The following PI4KA variants were observed in gnomAD, a reference collection of about 807,000 sequenced individuals.
PI4KA encodes PI4-kinase alpha.
In PI4KA, 122 loss-of-function variants were observed where a neutral mutation model predicts 271.4. That is an observed-to-expected ratio of 0.45 (90% CI 0.39 to 0.52). The LOEUF (loss-of-function observed/expected upper bound fraction) is 0.52, where lower values mean the gene tolerates loss of function less well. Among genes scored for constraint, PI4KA ranks in the 20% least tolerant of loss-of-function variants. The probability of loss-of-function intolerance (pLI) is 0.00; values close to 1 mark genes in which losing one functional copy is unlikely to be tolerated. For synonymous variants in PI4KA, 1,041 were observed against 1,078.8 expected, an observed-to-expected ratio of 0.96 and a Z score of 0.69; for missense variants, 1,969 against 2,769.1, an observed-to-expected ratio of 0.71 and a Z score of 6.48.
chr22:20,770,202 T>A (rs867146669), intron 19 of PI4KA, among the ~76,000 whole-genome samples: 11 of 151,844 alleles, frequency 7.2e-5, no homozygotes, highest in Admixed American at 3.9e-4. Context: ...GGCCCAGTTT[T>A]TTTTTTTTTG....
At position 20,796,258 on chromosome 22, in the gene PI4KA, T is replaced by A. The variant is rs761171853; in HGVS notation, c.2165A>T (p.Asp722Val). 3 of 1,613,960 alleles carry A rather than the reference T, an allele frequency of 1.9e-6. No homozygotes were observed. Among genetic ancestry groups the A allele is most frequent in the Non-Finnish European group, 2.5e-6 (3 of 1,180,026 alleles). The change falls in exon 18 of 55, where the codon GAC becomes GTC. Residue 722 changes from aspartate (D) to valine (V), a missense_variant. This residue lies in a region of PI4KA where 368 missense variants were observed against 544.3 expected (regional missense o/e 0.68). Transcript: ENST00000255882. The part of the protein sequence containing the change: ...ALANIAANIQ[D>V]EHLVDELLMN... ...GAGCAGCTCATCCACCAGGTGCTCGTCTTGGATGTTGGCCGCGATGTTGGC... is the reference window on the plus strand; with the variant it reads ...GAGCAGCTCATCCACCAGGTGCTCGACTTGGATGTTGGCCGCGATGTTGGC...
At chr22:20,847,903 G>A (rs775919906) in intron 1 of PI4KA, among the ~76,000 whole-genome samples, 1 of 152,022 alleles carries the variant, frequency 6.6e-6, no homozygotes, top group Non-Finnish European at 1.5e-5. Context: ...TAAATGGAAA[G>A]ACATCCCATG....
intron 23 of PI4KA, among the ~76,000 whole-genome samples, chr22:20,758,092 G>A (rs577747390): frequency 5.9e-5 from 9 of 152,138 alleles, no homozygotes; most frequent in East Asian, 3.9e-4. Flanking sequence ...TGGGCCGGGC[G>A]CAGTGGCTCA....
intron 9 of PI4KA, among the ~76,000 whole-genome samples, chr22:20,808,356 C>A (rs528875555): frequency 6.7e-6 from 1 of 150,304 alleles, no homozygotes; most frequent in Non-Finnish European, 1.5e-5. Flanking sequence ...GAGGCCAAGG[C>A]GGGTGGATCA....
intron 6 of PI4KA, 135 bp from the exon 7 acceptor site, chr22:20,818,684 A>G: frequency 1.8e-6 from 1 of 561,638 alleles, no homozygotes; most frequent in Non-Finnish European, 3.0e-6. Flanking sequence ...TCCTTCCTAA[A>G]GCCCATCACA....
chr22:20,796,108 G>T, intron 18 of PI4KA, 38 bp downstream of exon 18: 1 of 1,584,100 alleles, frequency 6.3e-7, no homozygotes, highest in Non-Finnish European at 8.7e-7. Context: ...GCAGGGATAG[G>T]ACACTGATGG....
intron 45 of PI4KA, among the ~76,000 whole-genome samples, chr22:20,716,196 G>A (rs1422839927): frequency 6.6e-6 from 1 of 152,114 alleles, no homozygotes; most frequent in Non-Finnish European, 1.5e-5. Flanking sequence ...GACTACAGGC[G>A]CCCGCCACCA....
intron 4 of PI4KA, 79 bp downstream of exon 4, chr22:20,824,246 GT>G (rs1312672576): frequency 1.1e-6 from 1 of 909,210 alleles, no homozygotes; most frequent in Non-Finnish European, 1.8e-6. Flanking sequence ...CACATTTCAC[GT>G]TTTTAAAATC....
At position 20,820,614 on chromosome 22, in the gene PI4KA, G is replaced by C. The variant is rs201732219; in HGVS notation, c.457-3C>G. 6.3e-7 allele frequency: 1 copy of C among 1,590,570 alleles called. No individual in the cohort carries two copies. The highest frequency in any genetic ancestry group is 8.6e-7 in the Non-Finnish European group (1 of 1,163,586). On this transcript the variant is annotated splice_polypyrimidine_tract_variant and splice_region_variant and intron_variant, in intron 4 of 54. Coordinates refer to ENST00000255882, the MANE Select transcript of PI4KA (RefSeq NM_058004.4). The stretch of plus-strand genomic sequence containing the variant: ...ACCTGCAAAAGCACCTCTAAAATCT[G>C]TAACAGTCAAGGAAACAAGAAAAAA...
Position 20,743,266 on chromosome 22 carries a change from C to T in PI4KA, c.3457-502G>A, listed in dbSNP as rs866372644. ...GTTCAAGTGATCCTCCCACCTCAGC[C>T]TCCCAAGTAGCTGGATTACAGGCAT... On this transcript the variant is annotated intron_variant, in intron 30 of 54. Coordinates refer to ENST00000255882, the MANE Select transcript of PI4KA (RefSeq NM_058004.4). Among the ~76,000 whole-genome samples the T allele has an allele frequency of 3.2e-4, 48 of 152,174 alleles. No individual in the cohort carries two copies. The Middle Eastern group carries it at 0.02, about 65-fold the overall frequency.
rs199623828 is a variant in PI4KA, at chr22:20,801,582, T to TA, written c.1724+390dup. On this transcript the variant is annotated intron_variant, in intron 14 of 54. Transcript: ENST00000255882. ...CCCCAGGCAACAGTGCAAGACTGTA[T>TA]AAAAAAAAATGTATAAATGGGGTGG... Among the ~76,000 whole-genome samples the TA allele has an allele frequency of 7.7e-3, 1,110 of 143,872 alleles. 8 individuals carry two copies. The highest frequency in any genetic ancestry group is 0.027 in the African/African-American group (1,056 of 38,546). The allele number at this position is 143,872 out of a possible 152,430, so 94.4% of individuals were successfully genotyped here.
rs1487733085 is a variant in PI4KA at position 20,742,657 on chromosome 22, GTGC to G, written c.3561_3563del (p.Gln1187del). The G allele has an allele frequency of 1.2e-6, 2 of 1,614,162 alleles. No homozygotes were observed. The highest frequency in any genetic ancestry group is 2.7e-5 in the African/African-American group (2 of 75,024). On this transcript the variant is annotated inframe_deletion, in exon 31 of 55. Transcript: ENST00000255882. ...TCAGCTTGAACATGGCCTGCGTGTA[GTGC>G]TGAGGATGACTGCGGTCTAAAGCTG...
intron 9 of PI4KA, among the ~76,000 whole-genome samples, chr22:20,809,629 G>A (rs75897394): frequency 6.6e-6 from 1 of 152,026 alleles, no homozygotes; most frequent in Non-Finnish European, 1.5e-5. Context: ...TCTGCCCTCA[G>A]TCACAAATGA....
intron 6 of PI4KA, among the ~76,000 whole-genome samples, chr22:20,819,342 G>GT (rs1274532129): frequency 1.3e-5 from 2 of 151,136 alleles, no homozygotes; most frequent in African/African-American, 4.9e-5. Flanking sequence ...GGATAAGAGA[G>GT]TAAGTCTTGC....
intron 47 of PI4KA, among the ~76,000 whole-genome samples, chr22:20,714,005 C>T (rs965376611): frequency 4.6e-5 from 7 of 152,252 alleles, no homozygotes; most frequent in East Asian, 1.9e-4. Flanking sequence ...AAGAGGGAGG[C>T]GGAGATGGGA....
intron 19 of PI4KA, chr22:20,783,995 G>A (rs748308341): frequency 1.2e-6 from 2 of 1,614,216 alleles, no homozygotes; most frequent in Non-Finnish European, 8.5e-7. Flanking sequence ...TAAATTCCCA[G>A]TGGAAATGAC....
chr22:20,719,699 G>C (rs1028969363), intron 43 of PI4KA, among the ~76,000 whole-genome samples: 20 of 152,012 alleles, frequency 1.3e-4, no homozygotes, highest in Non-Finnish European at 2.2e-4. Flanking sequence ...GGAAAACTTG[G>C]ATCTGCTGCT....
At chr22:20,730,852 G>A (rs1024060104) in intron 36 of PI4KA, among the ~76,000 whole-genome samples, 1 of 152,040 alleles carries the variant, frequency 6.6e-6, no homozygotes, top group African/African-American at 2.4e-5. Context: ...TTACAGGCGT[G>A]AGTCACTACA....
chr22:20,783,917 G>A, intron 19 of PI4KA: 1 of 1,611,256 alleles, frequency 6.2e-7, no homozygotes, highest in Non-Finnish European at 8.5e-7. Flanking sequence ...TCAAGGGTGA[G>A]ACGATTTCCC....
Sources: allele counts gnomAD v4.1 joint callset (sites outside exome capture counted in the v4.1 genomes callset), GRCh38; gene constraint gnomAD v4.1.1; regional missense constraint gnomAD v4.1.1; transcripts MANE v1.5; gene names NCBI Gene and HGNC (gene_info 2026-07-23, HGNC 2026-07-21).